The following SIM1 variants were observed in gnomAD, a reference collection of about 807,000 sequenced individuals.
The protein encoded by SIM1 is single-minded homolog 1.
A neutral mutation model predicts 78.2 loss-of-function variants in SIM1; 18 were observed. That is an observed-to-expected ratio of 0.23 (90% CI 0.16 to 0.34). SIM1 has a LOEUF of 0.34. Ranked by LOEUF, SIM1 falls within the 10% of genes least tolerant of loss-of-function variation. The pLI, the probability that SIM1 is intolerant of heterozygous loss-of-function variation, is 1.00. For synonymous variants in SIM1, 417 were observed against 385.2 expected, an observed-to-expected ratio of 1.08 and a Z score of -0.97; for missense variants, 939 against 975.1, an observed-to-expected ratio of 0.96 and a Z score of 0.49.
At chr6:100,455,246 C>T (rs1263953244) in intron 2 of SIM1, among the ~76,000 whole-genome samples, 1 of 152,116 alleles carries the variant, frequency 6.6e-6, no homozygotes, top group Non-Finnish European at 1.5e-5. Context: ...ATTTCCCCAC[C>T]ACTCTGCAAA....
At position 100,390,925 on chromosome 6, in the gene SIM1, C is replaced by G; in HGVS notation, c.1737G>C (p.Glu579Asp). 1 of 1,614,062 alleles carries G rather than the reference C, an allele frequency of 6.2e-7. No homozygotes were observed. The change falls in exon 12 of 12, where the codon GAG becomes GAC. Residue 579 changes from glutamate (E) to aspartate (D), a missense_variant. Transcript: ENST00000369208. ...RATQQMIKEE[E>D]NRLQLRKAPS... ...GGGCTTTCCTTAGCTGTAATCTGTT[C>G]TCTTCTTCTTTAATCATTTGCTGAG...
intron 10 of SIM1, among the ~76,000 whole-genome samples, chr6:100,408,813 A>G (rs886283382): frequency 1.3e-5 from 2 of 152,036 alleles, no homozygotes; most frequent in African/African-American, 2.4e-5. Flanking sequence ...TTTGTTTGCT[A>G]GTAATTTGTT....
At chr6:100,408,837 T>C (rs193214092) in intron 10 of SIM1, among the ~76,000 whole-genome samples, 76 of 152,236 alleles carry the variant, frequency 5.0e-4, no homozygotes, top group Non-Finnish European at 9.4e-4. Flanking sequence ...AATTTGGGTG[T>C]CTGTGTTCAC....
intron 3 of SIM1, among the ~76,000 whole-genome samples, chr6:100,451,262 C>T (rs1772506674): frequency 6.6e-6 from 1 of 152,200 alleles, no homozygotes; most frequent in African/African-American, 2.4e-5. Flanking sequence ...TGAGCAGAAC[C>T]TTGAACAGGA....
chr6:100,427,220 G>C (rs1771757068), intron 9 of SIM1: 1 of 152,208 alleles, frequency 6.6e-6, no homozygotes, highest in Admixed American at 6.5e-5. Context: ...TGACAAGGAG[G>C]AATACTGCGA....
At chr6:100,408,434 G>A (rs189336820) in intron 10 of SIM1, among the ~76,000 whole-genome samples, 5 of 151,824 alleles carry the variant, frequency 3.3e-5, no homozygotes, top group African/African-American at 9.6e-5. Flanking sequence ...TTGGATATTC[G>A]GGATCTTTTT....
chr6:100,443,065 T>C (rs1432882107), intron 9 of SIM1, among the ~76,000 whole-genome samples: 1 of 150,978 alleles, frequency 6.6e-6, no homozygotes, highest in Non-Finnish European at 1.5e-5. Context: ...TAGAGCCCCC[T>C]TTTTTTTTCA....
rs1420862681 is a variant in SIM1, at chr6:100,415,287, T to C, written c.1167+5503A>G. On this transcript the variant is annotated intron_variant, in intron 10 of 11. Transcript: ENST00000369208. ...ACTAGTTTTATTAAAATAGAAAATA[T>C]TGCAGCAATTTCTAGCAGATAAAGT... 2.0e-5 allele frequency among the ~76,000 whole-genome samples: 3 copies of C among 152,204 alleles called. No individual in the cohort carries two copies. The East Asian group carries it at 5.8e-4, about 29-fold the overall frequency.
rs769008005 is a variant in SIM1 at position 100,409,343 on chromosome 6, G to A, written c.1167+11447C>T. 1.3e-4 allele frequency among the ~76,000 whole-genome samples: 20 copies of A among 151,946 alleles called. 1 individual carries two copies. The highest frequency in any genetic ancestry group is 3.4e-3 in the Middle Eastern group (1 of 292). ...TTGTTAGCATATAATTGTTCATAGG[G>A]GTCTCTTATAATCATTGATATTTCT... is the stretch of plus-strand genomic sequence containing the variant. On this transcript the variant is annotated intron_variant, in intron 10 of 11. Transcript: ENST00000369208.
chr6:100,393,605 G>C lies in SIM1; in HGVS notation c.1452C>G (p.Ala484=), dbSNP rs779506359. 2.5e-6 allele frequency: 4 copies of C among 1,613,998 alleles called. No individual in the cohort carries two copies. The highest frequency in any genetic ancestry group is 3.3e-5 in the Admixed American group (2 of 60,024). ...GAGAGCCCCACCAGGGCTCCCTCCC[G>C]GCCTGCGGCGTTCCCAGGAAGTACC... ...AGRYFLGTPQ[A]GREPWWGSRA... Residue 484 remains alanine, a synonymous_variant, in exon 11 of 12, where the codon GCC becomes GCG. Transcript: ENST00000369208.
intron 2 of SIM1, among the ~76,000 whole-genome samples, chr6:100,461,841 CTTTT>C (rs10522700): frequency 7.9e-5 from 9 of 113,342 alleles, no homozygotes; most frequent in Non-Finnish European, 1.6e-4. Flanking sequence ...TTCTTTCTTT[CTTTT>C]TTTTTTTTTT....
At position 100,386,428 on chromosome 6, in the gene SIM1, T is replaced by C. The variant is rs542908844; in HGVS notation, c.*3933A>G. ...GAAAGAGAGAGCTATAAAAATCAAA[T>C]GTGTATTCAGAAGATTTCTTTATCT... is the stretch of plus-strand genomic sequence containing the variant. On this transcript the variant is annotated 3_prime_UTR_variant, in exon 12 of 12. Transcript: ENST00000369208. 2 of 152,068 alleles carry C rather than the reference T, an allele frequency of 1.3e-5. No individual in the cohort carries two copies. The highest frequency in any genetic ancestry group is 4.1e-4 in the South Asian group (2 of 4,832). The allele number at this position is 152,068 out of a possible 1,614,324, so 9.4% of individuals were successfully genotyped here. A position where few individuals can be genotyped will look rare whatever the true frequency, so the allele number is the denominator to read the frequency against.
At chr6:100,401,556 T>TCTAA (rs1454055590) in intron 10 of SIM1, among the ~76,000 whole-genome samples, 28 of 152,082 alleles carry the variant, frequency 1.8e-4, no homozygotes, top group African/African-American at 6.5e-4. Context: ...TGTAACCTAC[T>TCTAA]CTAAAATGGT....
intron 2 of SIM1, among the ~76,000 whole-genome samples, chr6:100,454,318 G>C (rs866154857): frequency 6.6e-6 from 1 of 152,198 alleles, no homozygotes; most frequent in Non-Finnish European, 1.5e-5. Flanking sequence ...CCGGTCCTTG[G>C]CGGGCTTTCT....
rs1770506471 is a variant in SIM1, at chr6:100,385,896, T to C, written c.*4465A>G. The C allele has an allele frequency of 6.6e-6, 1 of 151,930 alleles. No homozygotes were observed. Among genetic ancestry groups the C allele is most frequent in the African/African-American group, 2.4e-5 (1 of 41,406 alleles). 9.4% of individuals were successfully genotyped at this position (151,930 alleles called of 1,614,324 possible). ...CTATCTGTACAACCCTTACAAGAAA[T>C]TAGCACCACACAGAAATTTCCCCCA... On this transcript the variant is annotated 3_prime_UTR_variant, in exon 12 of 12. Transcript: ENST00000369208.
intron 10 of SIM1, among the ~76,000 whole-genome samples, chr6:100,404,668 C>T (rs180935583): frequency 8.1e-4 from 123 of 151,830 alleles, no homozygotes; most frequent in Admixed American, 1.2e-3. Context: ...ATTAAAATAA[C>T]CCCCACTTCT....
intron 10 of SIM1, among the ~76,000 whole-genome samples, chr6:100,400,445 A>C (rs1227378928): frequency 6.6e-6 from 1 of 152,040 alleles, no homozygotes; most frequent in African/African-American, 2.4e-5. Context: ...TAAAAACACA[A>C]TTTAAAAAAA....
intron 9 of SIM1, among the ~76,000 whole-genome samples, chr6:100,427,740 G>A (rs1771771493): frequency 6.6e-6 from 1 of 152,124 alleles, no homozygotes; most frequent in Non-Finnish European, 1.5e-5. Context: ...CACCCCTCCA[G>A]GCCACAGTGA....
At chr6:100,403,475 A>G (rs749954848) in intron 10 of SIM1, among the ~76,000 whole-genome samples, 20 of 152,394 alleles carry the variant, frequency 1.3e-4, no homozygotes, top group Non-Finnish European at 2.5e-4. Context: ...ATATTTATTA[A>G]GTGCCTGCTT....
Sources: allele counts gnomAD v4.1 joint callset (sites outside exome capture counted in the v4.1 genomes callset), GRCh38; gene constraint gnomAD v4.1.1; transcripts MANE v1.5; gene names NCBI Gene and HGNC (gene_info 2026-07-23, HGNC 2026-07-21).